TTN: variants seen among roughly 807,000 people sequenced by gnomAD.
The protein encoded by TTN is titin, also known as connectin.
In TTN, 1,525 loss-of-function variants were observed where a neutral mutation model predicts 3,223.0. The ratio of observed to expected loss-of-function variants is 0.47; its 90% confidence interval spans 0.45 to 0.49. The LOEUF is 0.49. TTN is among the 20% of genes least tolerant of loss of function. The pLI is 0.00. For missense variants in TTN, 40,786 were observed against 43,424.0 expected (o/e 0.94, Z 5.40); for synonymous variants, 14,094 against 15,161.0 (o/e 0.93, Z 5.17).
rs1013983143 is a variant in TTN, at chr2:178,610,003, A to T, written c.51437-17T>A. On this transcript the variant is annotated splice_polypyrimidine_tract_variant and intron_variant, in intron 271 of 362. Transcript: ENST00000589042. Reference sequence around the variant, plus strand: ...CAGGGGGTTCTGAAGAACAAGAAAAAAATGTTAGTATCAGGAAAACCACCT... The same window carrying T: ...CAGGGGGTTCTGAAGAACAAGAAAATAATGTTAGTATCAGGAAAACCACCT... 1 of 1,609,820 alleles carries T rather than the reference A, an allele frequency of 6.2e-7. No individual in the cohort carries two copies. The highest frequency in any genetic ancestry group is 1.3e-5 in the African/African-American group (1 of 74,626).
chr2:178,580,761 T>G lies in TTN; in HGVS notation c.66770-152A>C. On this transcript the variant is annotated intron_variant, in intron 316 of 362. Transcript: ENST00000589042. The stretch of plus-strand genomic sequence containing the variant: ...TTAATACAATCCTCAAAATCATTTT[T>G]CTGTTCTGTACTAATTGTTGATCTT... 6.4e-6 allele frequency: 5 copies of G among 785,110 alleles called. No individual in the cohort carries two copies. The South Asian group carries it at 9.7e-5, about 15-fold the overall frequency. 48.6% of individuals were successfully genotyped at this position (785,110 alleles called of 1,614,324 possible). A position where few individuals can be genotyped will look rare whatever the true frequency, so the allele number is the denominator to read the frequency against.
chr2:178,571,918 TG>T lies in TTN; in HGVS notation c.74213del (p.Pro24738HisfsTer10). On this transcript the variant is annotated frameshift_variant, in exon 326 of 363. Coordinates refer to ENST00000589042, the MANE Select transcript of TTN (RefSeq NM_001267550.2). LOFTEE classifies it high-confidence loss of function. The stretch of plus-strand genomic sequence containing the variant: ...CAGCTGGGGTAGGGCGGCCAATGAA[TG>T]GAACATCAACTTTTAGGTCTTCACC... ...LAGEDLKVDV[P>X]FIGRPTPAVT... 6.2e-7 allele frequency: 1 copy of T among 1,613,314 alleles called. No homozygotes were observed. Among genetic ancestry groups the T allele is most frequent in the South Asian group, 1.1e-5 (1 of 91,062 alleles).
chr2:178,622,761 T>G lies in TTN; in HGVS notation c.44822A>C (p.His14941Pro), dbSNP rs780698863. ...TSCNLNVVPP[H>P]VEFLRPLTDL... is the part of the protein sequence containing the mutation. ...GGTGAGTGGTCTTAAGAATTCCACA[T>G]GAGGAGCTGTAAGAGAATGTCATCA... Residue 14941 changes from histidine (H) to proline (P), a missense_variant, in exon 243 of 363, where the codon CAT becomes CCT. Coordinates refer to ENST00000589042, the MANE Select transcript of TTN (RefSeq NM_001267550.2). The G allele has an allele frequency of 6.3e-6, 10 of 1,598,098 alleles. No homozygotes were observed. The highest frequency in any genetic ancestry group is 1.3e-5 in the African/African-American group (1 of 74,522).
chr2:178,551,659 C>G lies in TTN; in HGVS notation c.91241G>C (p.Ser30414Thr). Reference sequence around the variant, plus strand: ...TGGAGAAACAGCTAAGGTAAATTTGCTTGGGTCACTAGGTGAGCTTAGGCC... The same window carrying G: ...TGGAGAAACAGCTAAGGTAAATTTGGTTGGGTCACTAGGTGAGCTTAGGCC... ...SAGLSSPSDP[S>T]KFTLAVSPVD... The change falls in exon 335 of 363, where the codon AGC becomes ACC. Residue 30414 changes from serine to threonine, a missense_variant. Transcript: ENST00000589042. The G allele has an allele frequency of 6.3e-7, 1 of 1,592,840 alleles. No homozygotes were observed. The highest frequency in any genetic ancestry group is 8.6e-7 in the Non-Finnish European group (1 of 1,168,236).
intron 16 of TTN, 35 bp from the exon 17 acceptor site, chr2:178,783,820 T>C (rs777485089): frequency 6.4e-7 from 1 of 1,573,446 alleles, no homozygotes; most frequent in South Asian, 1.1e-5. Flanking sequence ...AAAATGCTCA[T>C]GAAATTAAGG....
intron 49 of TTN, chr2:178,737,830 T>C (rs1278125776): frequency 2.6e-6 from 1 of 386,294 alleles, no homozygotes; most frequent in Non-Finnish European, 4.6e-6. Context: ...AGGGCCAAGC[T>C]GAGCTCATTT....
At position 178,722,477 on chromosome 2, in the gene TTN, G is replaced by GT. The variant is rs2154302053; in HGVS notation, c.22309dup (p.Thr7437AsnfsTer18). Reference sequence around the variant, plus strand: ...AGAGCCATTTAATCGACAAGTGAGTGTAACAGGTAACCCCACAGTTTGTTC... The same window carrying GT: ...AGAGCCATTTAATCGACAAGTGAGTGTTAACAGGTAACCCCACAGTTTGTTC... On this transcript the variant is annotated frameshift_variant, in exon 77 of 363. Coordinates refer to ENST00000589042, the MANE Select transcript of TTN (RefSeq NM_001267550.2). LOFTEE classifies it high-confidence loss of function. 1.2e-6 allele frequency: 2 copies of GT among 1,613,438 alleles called. No individual in the cohort carries two copies. Among genetic ancestry groups the GT allele is most frequent in the Non-Finnish European group, 1.7e-6 (2 of 1,179,524 alleles).
At chr2:178,594,706 G>A (rs2051041469) in intron 295 of TTN, 60 bp from the exon 296 acceptor site, 1 of 1,360,984 alleles carries the variant, frequency 7.3e-7, no homozygotes, top group Non-Finnish European at 1.0e-6. Context: ...AATGTAGTAG[G>A]ATGTAGTGAA....
rs2092399401 is a variant in TTN, at chr2:178,777,929, G to A, written c.4255C>T (p.Pro1419Ser). The change falls in exon 25 of 363, where the codon CCT becomes TCT. Residue 1419 changes from proline to serine, a missense_variant. By Grantham distance (74) the Pro-to-Ser change is moderately conservative (BLOSUM62 -1). Coordinates refer to ENST00000589042, the MANE Select transcript of TTN (RefSeq NM_001267550.2). ...SVSRSPIRMS[P>S]ARMSPARMSP... Reference sequence around the variant, plus strand: ...ATCCTTGCAGGTGACATCCGTGCAGGAGACATGCGTATAGGAGACCTGCTC... The same window carrying A: ...ATCCTTGCAGGTGACATCCGTGCAGAAGACATGCGTATAGGAGACCTGCTC... The A allele has an allele frequency of 6.2e-7, 1 of 1,613,982 alleles. No individual in the cohort carries two copies. Among genetic ancestry groups the A allele is most frequent in the East Asian group, 2.2e-5 (1 of 44,844 alleles).
intron 242 of TTN, 63 bp downstream of exon 242, chr2:178,624,402 G>GT: frequency 6.3e-7 from 1 of 1,599,302 alleles, no homozygotes. Flanking sequence ...GTGTTGTGTT[G>GT]TTTTGTTGTT....
Position 178,595,536 on chromosome 2 carries a change from G to A in TTN, c.57818C>T (p.Ser19273Leu). Residue 19273 changes from serine to leucine, a missense_variant, in exon 295 of 363, where the codon TCA becomes TTA. Coordinates refer to ENST00000589042, the MANE Select transcript of TTN (RefSeq NM_001267550.2). ...SIGMGPFVETSEALVIREPIT... is the reference protein window; with the variant it reads ...SIGMGPFVETLEALVIREPIT... The stretch of plus-strand genomic sequence containing the variant: ...TGGCTCTCTGATAACAAGTGCCTCT[G>A]ATGTCTCAACAAATGGACCCATGCC... The A allele has an allele frequency of 6.4e-7, 1 of 1,562,692 alleles. No homozygotes were observed. The highest frequency in any genetic ancestry group is 8.7e-7 in the Non-Finnish European group (1 of 1,152,512).
Position 178,580,452 on chromosome 2 carries a change from G to A in TTN, c.66927C>T (p.Asp22309=). The A allele has an allele frequency of 6.2e-7, 1 of 1,613,108 alleles. No individual in the cohort carries two copies. The highest frequency in any genetic ancestry group is 8.5e-7 in the Non-Finnish European group (1 of 1,179,454). The part of the protein sequence containing the change: ...NVNLRDRIGL[D]IKSTDFDTFL... Reference sequence around the variant, plus strand: ...AAGTGTCAAAGTCAGTTGACTTTATGTCCAGTCCAATCCTGTCTCTTAGAT... The same window carrying A: ...AAGTGTCAAAGTCAGTTGACTTTATATCCAGTCCAATCCTGTCTCTTAGAT... Residue 22309 remains aspartate, a synonymous_variant, in exon 317 of 363, where the codon GAC becomes GAT. Coordinates refer to ENST00000589042, the MANE Select transcript of TTN (RefSeq NM_001267550.2).
intron 48 of TTN, among the ~76,000 whole-genome samples, 198 bp downstream of exon 48, chr2:178,738,943 A>T (rs927127748): frequency 5.3e-5 from 8 of 152,206 alleles, no homozygotes; most frequent in Non-Finnish European, 1.2e-4. Flanking sequence ...AGTACCATGG[A>T]TATGATAGCA....
intron 34 of TTN, 41 bp downstream of exon 34, chr2:178,771,170 T>A (rs1210350519): frequency 6.2e-7 from 1 of 1,612,908 alleles, no homozygotes; most frequent in South Asian, 1.1e-5. Flanking sequence ...ACGATCAAGA[T>A]TGTAATATGA....
rs748919007 is a variant in TTN at position 178,669,671 on chromosome 2, G to T, written c.35391C>A (p.Pro11797=). The part of the protein sequence containing the change: ...EEPRVPPTKA[P]EVPKKIVPEE... ...CTGGGACAATTTTCTTGGGTACTTC[G>T]GGTGCTTTAAAGATATTTATTTATC... Residue 11797 remains proline, a synonymous_variant, in exon 158 of 363, where the codon CCC becomes CCA. Coordinates refer to ENST00000589042, the MANE Select transcript of TTN (RefSeq NM_001267550.2). The T allele has an allele frequency of 1.9e-5, 30 of 1,611,748 alleles. No homozygotes were observed. The highest frequency in any genetic ancestry group is 2.2e-5 in the Non-Finnish European group (26 of 1,179,392).
At chr2:178,612,668 G>C (rs2056559091) in intron 265 of TTN, 92 bp from the exon 266 acceptor site, 1 of 1,534,120 alleles carries the variant, frequency 6.5e-7, no homozygotes, top group Non-Finnish European at 8.7e-7. Flanking sequence ...AAGTAATGTA[G>C]CCAGGAGGAA....
rs765523736 is a variant in TTN at position 178,769,697 on chromosome 2, C to T, written c.8884G>A (p.Ala2962Thr). 7 of 1,610,992 alleles carry T rather than the reference C, an allele frequency of 4.3e-6. No homozygotes were observed. The highest frequency in any genetic ancestry group is 5.9e-6 in the Non-Finnish European group (7 of 1,179,244). ...TFVCGNDQVS[A>T]TLTVTPIMIT... is the part of the protein sequence containing the mutation. ...AACTTACGGGTGACTGTCAGGGTGG[C>T]ACTGACTTGGTCATTGCCACAGACA... The change falls in exon 37 of 363, where the codon GCC becomes ACC. Residue 2962 changes from alanine to threonine, a missense_variant. By Grantham distance (58) the Ala-to-Thr change is moderately conservative. Transcript: ENST00000589042.
rs368431326 is a variant in TTN at position 178,594,012 on chromosome 2, C to A, written c.58381G>T (p.Val19461Leu). ...RSDSGKYCVV[V>L]ENSTGSRKGF... ...TTCCTAGAGCCTGTACTGTTCTCCACAACCACACAGTATTTGCCGGAATCT... is the reference window on the plus strand; with the variant it reads ...TTCCTAGAGCCTGTACTGTTCTCCAAAACCACACAGTATTTGCCGGAATCT... The change falls in exon 297 of 363, where the codon GTG becomes TTG. Residue 19461 changes from valine (V) to leucine (L), a missense_variant. Coordinates refer to ENST00000589042, the MANE Select transcript of TTN (RefSeq NM_001267550.2). The A allele has an allele frequency of 6.2e-7, 1 of 1,613,620 alleles. No homozygotes were observed. Among genetic ancestry groups the A allele is most frequent in the Non-Finnish European group, 8.5e-7 (1 of 1,179,660 alleles).
intron 33 of TTN, 61 bp downstream of exon 33, chr2:178,773,048 T>C: frequency 6.2e-7 from 1 of 1,606,738 alleles, no homozygotes; most frequent in Non-Finnish European, 8.5e-7. Context: ...GGGAAATGAA[T>C]AATAATTTCT....
Sources: gnomAD v4.1 joint callset for allele counts (sites outside exome capture counted in the v4.1 genomes callset) on GRCh38, gnomAD v4.1.1 for gene constraint, MANE v1.5 for transcripts, NCBI Gene and HGNC (gene_info 2026-07-23, HGNC 2026-07-21) for gene names.